Variants in GRIN2D observed in about 807,000 individuals in gnomAD.
GRIN2D encodes the protein glutamate receptor ionotropic, NMDA 2D.
In GRIN2D, 37 loss-of-function variants were observed where a neutral mutation model predicts 103.2. The observed-to-expected ratio is 0.36, with a 90% CI of 0.28 to 0.47. GRIN2D has a LOEUF of 0.47. Ranked by LOEUF, GRIN2D falls within the 20% of genes least tolerant of loss-of-function variation. GRIN2D has a pLI of 1.00. For synonymous variants in GRIN2D, 845 were observed against 885.6 expected, an observed-to-expected ratio of 0.95 and a Z score of 0.81; for missense variants, 1,557 against 1,910.6, an observed-to-expected ratio of 0.81 and a Z score of 3.45.
chr19:48,412,344 A>AATAC (rs1970872649), intron 4 of GRIN2D, among the ~76,000 whole-genome samples: 1 of 150,668 alleles, frequency 6.6e-6, no homozygotes, highest in Admixed American at 6.7e-5. Flanking sequence ...TAAATAAATA[A>AATAC]ATACATACAT....
At chr19:48,402,441 G>T (rs1163572701) in intron 3 of GRIN2D, among the ~76,000 whole-genome samples, 1 of 152,084 alleles carries the variant, frequency 6.6e-6, no homozygotes, top group East Asian at 1.9e-4. Context: ...CTCCTGGCCG[G>T]GCGCGGTGGC....
At chr19:48,410,713 G>C (rs1010680954) in intron 4 of GRIN2D, among the ~76,000 whole-genome samples, 1 of 151,954 alleles carries the variant, frequency 6.6e-6, no homozygotes, top group Non-Finnish European at 1.5e-5. Flanking sequence ...GTGGGGAACA[G>C]ACTGGAGTAG....
At chr19:48,413,716 C>G (rs1970906259) in intron 4 of GRIN2D, among the ~76,000 whole-genome samples, 1 of 149,076 alleles carries the variant, frequency 6.7e-6, no homozygotes, top group Non-Finnish European at 1.5e-5. Context: ...AACCCCATCT[C>G]TACTTTAAAA....
chr19:48,431,930 T>TATTTTTTTG (rs1227417686), intron 11 of GRIN2D, among the ~76,000 whole-genome samples: 1 of 151,188 alleles, frequency 6.6e-6, no homozygotes, highest in Non-Finnish European at 1.5e-5. Context: ...TTTTATTTTT[T>TATTTTTTTG]TGAGACAGAG....
At chr19:48,417,798 T>G (rs538021505) in intron 8 of GRIN2D, among the ~76,000 whole-genome samples, 1 of 152,244 alleles carries the variant, frequency 6.6e-6, no homozygotes, top group African/African-American at 2.4e-5. Context: ...ACGGGGGCAG[T>G]CCTGACAGCT....
intron 2 of GRIN2D, among the ~76,000 whole-genome samples, 170 bp downstream of exon 2, chr19:48,395,106 C>G (rs1018113659): frequency 1.3e-4 from 20 of 152,082 alleles, no homozygotes; most frequent in Middle Eastern, 3.4e-3. Context: ...TCCACCCTCT[C>G]TCTCTCCCTC....
chr19:48,426,224 C>CTTTTTTTTTTTTTTTTTTTTTTTTTTTTT (rs369360320), intron 11 of GRIN2D, among the ~76,000 whole-genome samples: 31 of 120,084 alleles, frequency 2.6e-4, no homozygotes, highest in African/African-American at 5.0e-4. Flanking sequence ...TTCTTTCTTT[C>CTTTTTTTTTTTTTTTTTTTTTTTTTTTTT]TTTTTTTTTT....
chr19:48,409,977 G>A (rs1020190570), intron 4 of GRIN2D, among the ~76,000 whole-genome samples: 2 of 150,476 alleles, frequency 1.3e-5, no homozygotes, highest in Non-Finnish European at 3.0e-5. Flanking sequence ...TAGAGACGGG[G>A]TTTCACCATG....
At chr19:48,423,108 G>A (rs978191214) in intron 11 of GRIN2D, among the ~76,000 whole-genome samples, 2 of 152,146 alleles carry the variant, frequency 1.3e-5, no homozygotes, top group Non-Finnish European at 2.9e-5. Context: ...CTGCTTGGGA[G>A]GCTGAGGCAG....
Position 48,421,969 on chromosome 19 carries a change from G to A in GRIN2D, c.2252+24G>A, listed in dbSNP as rs1225102458. On this transcript the variant is annotated intron_variant, in intron 11 of 13. Transcript: ENST00000263269. The surrounding 1 kb of genome is among the most constrained non-coding windows in gnomAD (Gnocchi z 4.8). ...GGGTCAGCGCAGACTCGGGCCGGGG[G>A]TGGGGGTTGGGCCGCTGGGGACCTG... 3.7e-6 allele frequency: 6 copies of A among 1,609,612 alleles called. No homozygotes were observed. Among genetic ancestry groups the A allele is most frequent in the East Asian group, 2.2e-5 (1 of 44,838 alleles).
chr19:48,423,512 C>T (rs1331900423), intron 11 of GRIN2D, among the ~76,000 whole-genome samples: 2 of 151,906 alleles, frequency 1.3e-5, no homozygotes, highest in African/African-American at 4.8e-5. Flanking sequence ...GTGGGCTTCT[C>T]GGAGGAGGTG....
chr19:48,434,640 C>T (rs1180720360), intron 11 of GRIN2D, among the ~76,000 whole-genome samples: 1 of 151,784 alleles, frequency 6.6e-6, no homozygotes, highest in Admixed American at 6.6e-5. Context: ...CACTATGTTG[C>T]CCAGGCTGGT....
At chr19:48,432,355 T>C (rs1364403135) in intron 11 of GRIN2D, among the ~76,000 whole-genome samples, 2 of 151,696 alleles carry the variant, frequency 1.3e-5, no homozygotes, top group Admixed American at 6.6e-5. Flanking sequence ...CGCATGGCCA[T>C]TGATCTGTTT....
intron 11 of GRIN2D, among the ~76,000 whole-genome samples, chr19:48,434,171 A>G (rs1177129754): frequency 1.3e-5 from 2 of 151,920 alleles, no homozygotes; most frequent in African/African-American, 4.8e-5. Flanking sequence ...AGGATGGTTT[A>G]GATCTCCTGA....
rs143367833 is a variant in GRIN2D, at chr19:48,437,275, C to G, written c.2253-4494C>G. 1.1e-3 allele frequency among the ~76,000 whole-genome samples: 162 copies of G among 152,152 alleles called. 1 individual carries two copies. The highest frequency in any genetic ancestry group is 3.4e-3 in the African/African-American group (140 of 41,520). ...AGCTGAGATGACAGGCATGCACCAC[C>G]AAACCCGGCTAATTTTTAAAGTTTT... On this transcript the variant is annotated intron_variant, in intron 11 of 13. Transcript: ENST00000263269.
chr19:48,441,722 G>A (rs1471289515), intron 11 of GRIN2D, 47 bp from the exon 12 acceptor site: 2 of 1,506,262 alleles, frequency 1.3e-6, no homozygotes, highest in South Asian at 1.2e-5. Flanking sequence ...TGGCGGCCAG[G>A]GCATCTAGGT....
At chr19:48,402,489 G>A (rs1051993416) in intron 3 of GRIN2D, among the ~76,000 whole-genome samples, 13 of 150,862 alleles carry the variant, frequency 8.6e-5, no homozygotes, top group African/African-American at 2.9e-4. Context: ...AGGCCGAGGC[G>A]GGTGGATCAT....
At position 48,421,477 on chromosome 19, in the gene GRIN2D, C is replaced by T. The variant is rs977821602; in HGVS notation, c.2092-308C>T. On this transcript the variant is annotated intron_variant, in intron 10 of 13. Coordinates refer to ENST00000263269, the MANE Select transcript of GRIN2D (RefSeq NM_000836.4). This position sits in a 1 kb window ranked among gnomAD's most constrained non-coding sequence, Gnocchi z 4.8. ...TGAACGGATTGGTAAATAGCAACAG[C>T]TCCCAGCTCCTGCCATGCCAGCCTC... is the stretch of plus-strand genomic sequence containing the variant. Among the ~76,000 whole-genome samples the T allele has an allele frequency of 1.3e-5, 2 of 152,028 alleles. No individual in the cohort carries two copies. Among genetic ancestry groups the T allele is most frequent in the South Asian group, 2.1e-4 (1 of 4,826 alleles).
intron 4 of GRIN2D, among the ~76,000 whole-genome samples, chr19:48,406,492 G>C (rs1030471878): frequency 1.3e-5 from 2 of 152,146 alleles, no homozygotes; most frequent in African/African-American, 4.8e-5. Flanking sequence ...AAGAGATGAT[G>C]GTTGGGGAAG....
Sources: gnomAD v4.1 joint callset for allele counts (sites outside exome capture counted in the v4.1 genomes callset) on GRCh38, gnomAD v4.1.1 for gene constraint, Gnocchi (gnomAD v3.1) non-coding constraint, MANE v1.5 for transcripts, NCBI Gene and HGNC (gene_info 2026-07-23, HGNC 2026-07-21) for gene names.